The following NTM variants were observed in gnomAD, a reference collection of about 807,000 sequenced individuals.
The protein encoded by NTM is IgLON family member 2.
Under a neutral mutation model 42.1 loss-of-function variants are expected in NTM, and 13 were observed. That is an observed-to-expected ratio of 0.31 (90% CI 0.20 to 0.49). The LOEUF is 0.49. NTM is among the 20% of genes least tolerant of loss of function. NTM has a pLI of 0.99. For synonymous variants in NTM, 187 were observed against 179.2 expected (o/e 1.04, Z -0.35); for missense variants, 373 against 452.8 (o/e 0.82, Z 1.60).
intron 1 of NTM, among the ~76,000 whole-genome samples, chr11:131,751,990 T>C (rs548847149): frequency 1.3e-5 from 2 of 152,118 alleles, no homozygotes; most frequent in Admixed American, 6.5e-5. Flanking sequence ...GAAGCCAACA[T>C]TGACGTAATT....
At chr11:132,196,945 A>G (rs2080318184) in intron 3 of NTM, among the ~76,000 whole-genome samples, 1 of 152,180 alleles carries the variant, frequency 6.6e-6, no homozygotes. Context: ...AAGCCAAGAG[A>G]AAAAAAGAAA....
chr11:131,866,168 GCACA>G (rs1194885973), intron 1 of NTM, among the ~76,000 whole-genome samples: 4 of 151,076 alleles, frequency 2.6e-5, no homozygotes, highest in South Asian at 2.1e-4. Flanking sequence ...CACACACACA[GCACA>G]CACACCACAT....
intron 1 of NTM, among the ~76,000 whole-genome samples, chr11:131,861,257 A>G (rs1447089237): frequency 6.6e-6 from 1 of 152,236 alleles, no homozygotes; most frequent in Non-Finnish European, 1.5e-5. Context: ...GTACGGTCCT[A>G]TCCCCAAGTG....
chr11:131,397,145 A>G (rs1331271763), intron 1 of NTM, among the ~76,000 whole-genome samples: 2 of 152,272 alleles, frequency 1.3e-5, no homozygotes, highest in Non-Finnish European at 2.9e-5. Flanking sequence ...AGCAAACACA[A>G]ATATATGAGG....
At chr11:132,021,603 G>A (rs375658737) in intron 2 of NTM, among the ~76,000 whole-genome samples, 4 of 152,236 alleles carry the variant, frequency 2.6e-5, no homozygotes, top group Non-Finnish European at 1.5e-5. Context: ...TCTTTGCTAT[G>A]CATGAACAGT....
At chr11:132,033,920 A>G (rs529507680) in intron 2 of NTM, among the ~76,000 whole-genome samples, 2 of 152,354 alleles carry the variant, frequency 1.3e-5, no homozygotes, top group South Asian at 4.2e-4. Flanking sequence ...GGTTTTGACA[A>G]ACTGGTCATT....
chr11:131,494,452 T>A (rs1336005586), intron 1 of NTM, among the ~76,000 whole-genome samples: 1 of 152,216 alleles, frequency 6.6e-6, no homozygotes, highest in Non-Finnish European at 1.5e-5. Context: ...TCATGCCTAA[T>A]GAATATGGTG....
intron 2 of NTM, among the ~76,000 whole-genome samples, chr11:131,926,611 C>T (rs1420447275): frequency 6.6e-6 from 1 of 152,110 alleles, no homozygotes; most frequent in Non-Finnish European, 1.5e-5. Flanking sequence ...AGTGCTCTTT[C>T]CATGTCAAGA....
chr11:131,764,908 C>G (rs747412316), intron 1 of NTM, among the ~76,000 whole-genome samples: 40 of 152,152 alleles, frequency 2.6e-4, no homozygotes, highest in African/African-American at 1.4e-4. Context: ...CTGGACAAGT[C>G]ACACACATCA....
intron 2 of NTM, among the ~76,000 whole-genome samples, chr11:132,110,583 A>G (rs2063030214): frequency 6.6e-6 from 1 of 152,244 alleles, no homozygotes; most frequent in African/African-American, 2.4e-5. Context: ...ATTTTATGGC[A>G]AAAGATAACT....
chr11:131,807,818 T>C (rs989859864), intron 1 of NTM, among the ~76,000 whole-genome samples: 1 of 152,240 alleles, frequency 6.6e-6, no homozygotes, highest in African/African-American at 2.4e-5. Context: ...CTTTCAGACA[T>C]GATCATATAT....
chr11:131,753,526 A>C (rs1201438741), intron 1 of NTM, among the ~76,000 whole-genome samples: 2 of 151,698 alleles, frequency 1.3e-5, no homozygotes, highest in African/African-American at 2.4e-5. Flanking sequence ...GATTAAGAAA[A>C]TGTGGCACAT....
intron 2 of NTM, among the ~76,000 whole-genome samples, chr11:132,055,922 G>A (rs1350155926): frequency 2.6e-5 from 4 of 152,166 alleles, no homozygotes; most frequent in Non-Finnish European, 4.4e-5. Flanking sequence ...CACAGAACTC[G>A]GCACTCAGAA....
intron 1 of NTM, among the ~76,000 whole-genome samples, chr11:131,533,571 A>G (rs2051639238): frequency 6.6e-6 from 1 of 152,184 alleles, no homozygotes; most frequent in South Asian, 2.1e-4. Flanking sequence ...GGAAGATCAG[A>G]ATTTCTGGCT....
intron 1 of NTM, among the ~76,000 whole-genome samples, chr11:131,408,162 G>A (rs1381379064): frequency 1.3e-5 from 2 of 152,156 alleles, no homozygotes; most frequent in Non-Finnish European, 2.9e-5. Context: ...TTGTTCTGTC[G>A]ATTGAGAGAA....
At chr11:132,001,504 G>T (rs1025761742) in intron 2 of NTM, among the ~76,000 whole-genome samples, 2 of 152,166 alleles carry the variant, frequency 1.3e-5, no homozygotes, top group African/African-American at 4.8e-5. Flanking sequence ...GGCTTCTGGG[G>T]AGGCCTCAGG....
intron 1 of NTM, among the ~76,000 whole-genome samples, chr11:131,462,288 G>T (rs868583566): frequency 2.0e-5 from 3 of 152,188 alleles, no homozygotes; most frequent in Non-Finnish European, 4.4e-5. Flanking sequence ...TTTTTTGGAT[G>T]ATGGAAATGT....
chr11:131,812,814 T>C (rs1290791029), intron 1 of NTM, among the ~76,000 whole-genome samples: 3 of 151,866 alleles, frequency 2.0e-5, no homozygotes, highest in African/African-American at 4.8e-5. Flanking sequence ...GGTGCCCATG[T>C]CTCCACAGCA....
intron 1 of NTM, among the ~76,000 whole-genome samples, chr11:131,422,317 G>A (rs192619041): frequency 6.9e-4 from 105 of 152,246 alleles, no homozygotes; most frequent in Non-Finnish European, 1.2e-3. Flanking sequence ...CACCCTTGCC[G>A]GGGTCTGAAT....
Sources: allele counts gnomAD v4.1 joint callset (sites outside exome capture counted in the v4.1 genomes callset), GRCh38; gene constraint gnomAD v4.1.1; transcripts MANE v1.5; gene names NCBI Gene and HGNC (gene_info 2026-07-23, HGNC 2026-07-21).